Variants in ZNF451 observed in about 807,000 individuals in gnomAD.
ZNF451 encodes zinc finger protein 451.
ZNF451 carries 80 observed loss-of-function variants against 107.1 expected under a neutral mutation model. The observed-to-expected ratio is 0.75, with a 90% CI of 0.62 to 0.90. The LOEUF is 0.90. Among genes scored for constraint, ZNF451 ranks in the 40% least tolerant of loss-of-function variants. The pLI is 0.00. For synonymous variants in ZNF451, 362 were observed against 406.5 expected (o/e 0.89, Z 1.32); for missense variants, 1,107 against 1,236.2 (o/e 0.90, Z 1.57).
chr6:57,138,476 C>T (rs1044861441), intron 7 of ZNF451, among the ~76,000 whole-genome samples: 2 of 151,642 alleles, frequency 1.3e-5, no homozygotes, highest in African/African-American at 4.8e-5. Context: ...GTTGGCCAGG[C>T]TGGTCTCGAG....
chr6:57,098,707 T>C (rs1335341733), intron 2 of ZNF451, among the ~76,000 whole-genome samples: 5 of 152,170 alleles, frequency 3.3e-5, no homozygotes, highest in Non-Finnish European at 7.4e-5. Flanking sequence ...ATTTTTGAAC[T>C]TGGATATATT....
At chr6:57,141,715 A>T (rs1831772999) in intron 8 of ZNF451, among the ~76,000 whole-genome samples, 1 of 152,190 alleles carries the variant, frequency 6.6e-6, no homozygotes, top group African/African-American at 2.4e-5. Flanking sequence ...TTATATCATG[A>T]TATCTTGGAA....
At chr6:57,108,193 T>G in intron 3 of ZNF451, 1 of 985,450 alleles carries the variant, frequency 1.0e-6, no homozygotes, top group Non-Finnish European at 1.2e-6. Flanking sequence ...CTTCAAGAAT[T>G]GTGTTCAGTT....
intron 10 of ZNF451, among the ~76,000 whole-genome samples, chr6:57,150,288 G>T (rs977297155): frequency 7.9e-5 from 12 of 152,164 alleles, no homozygotes; most frequent in African/African-American, 2.9e-4. Flanking sequence ...AATCAGTCCA[G>T]ACTGGGAAAA....
Position 57,134,822 on chromosome 6 carries a change from T to C in ZNF451, c.654T>C (p.Tyr218=), listed in dbSNP as rs1319433463. 3 of 1,611,840 alleles carry C rather than the reference T, an allele frequency of 1.9e-6. No individual in the cohort carries two copies. The highest frequency in any genetic ancestry group is 1.3e-5 in the African/African-American group (1 of 74,880). ...FFSSFACVVC[Y]KKFVTQQQYR... ...GCTCCTTTGCTTGTGTAGTATGTTA[T>C]AAAAAATTTGTTACTCAACAACAAT... is the stretch of plus-strand genomic sequence containing the variant. Residue 218 remains tyrosine (Y), a synonymous_variant, in exon 7 of 15, where the codon TAT becomes TAC. Transcript: ENST00000370706.
rs1764063388 is a variant in ZNF451, at chr6:57,170,020, C to G, written c.*1551C>G. 6.6e-6 allele frequency: 1 copy of G among 150,748 alleles called. No individual in the cohort carries two copies. Among genetic ancestry groups the G allele is most frequent in the African/African-American group, 2.5e-5 (1 of 40,560 alleles). 9.3% of individuals were successfully genotyped at this position (150,748 alleles called of 1,614,324 possible). ...CACAAAGGTGTGATGGACACTGATG[C>G]TCTATTAAGAAGCTTTTGTGGTGTG... On this transcript the variant is annotated 3_prime_UTR_variant, in exon 15 of 15. Transcript: ENST00000370706.
chr6:57,103,251 C>T (rs542102014), intron 3 of ZNF451: 1 of 985,392 alleles, frequency 1.0e-6, no homozygotes, highest in East Asian at 1.1e-4. Context: ...TAAAGCATAG[C>T]TGTGGATGTG....
intron 3 of ZNF451, chr6:57,103,605 T>C (rs985126239): frequency 2.4e-5 from 24 of 985,426 alleles, no homozygotes; most frequent in Non-Finnish European, 2.9e-5. Context: ...TTGAGGGGTC[T>C]GAATACATCA....
intron 13 of ZNF451, among the ~76,000 whole-genome samples, chr6:57,160,484 C>G (rs566516145): frequency 6.6e-6 from 1 of 152,212 alleles, no homozygotes; most frequent in African/African-American, 2.4e-5. Flanking sequence ...TAGGTGCGCA[C>G]CACCATACCT....
chr6:57,105,962 A>G (rs891078769), intron 3 of ZNF451: 83 of 984,796 alleles, frequency 8.4e-5, no homozygotes, highest in Non-Finnish European at 1.0e-4. Context: ...AGCCCTCAAA[A>G]TGACATTTTG....
intron 9 of ZNF451, among the ~76,000 whole-genome samples, chr6:57,146,789 A>G (rs1456406337): frequency 2.6e-5 from 4 of 152,352 alleles, no homozygotes; most frequent in East Asian, 1.9e-4. Context: ...TGCCTGTTCA[A>G]TAAGGTCCTC....
Position 57,147,276 on chromosome 6 carries a change from A to G in ZNF451, c.1191A>G (p.Ser397=). ...KVRVINSVEE[S]VLLYCHSSEG... ...GAGTCATTAACTCAGTGGAAGAATC[A>G]GTCTTACTCTATTGCCACAGCAGCG... The change falls in exon 10 of 15, where the codon TCA becomes TCG. Residue 397 remains serine, a synonymous_variant. Transcript: ENST00000370706. 3 of 1,614,168 alleles carry G rather than the reference A, an allele frequency of 1.9e-6. No individual in the cohort carries two copies. Among genetic ancestry groups the G allele is most frequent in the East Asian group, 2.2e-5 (1 of 44,880 alleles).
intron 7 of ZNF451, among the ~76,000 whole-genome samples, chr6:57,140,691 A>T (rs905630095): frequency 4.6e-5 from 7 of 152,202 alleles, no homozygotes; most frequent in Non-Finnish European, 7.3e-5. Flanking sequence ...AAAACTGAAA[A>T]TAAATGTTGA....
intron 3 of ZNF451, chr6:57,103,574 G>T (rs1829707305): frequency 1.0e-6 from 1 of 985,356 alleles, no homozygotes; most frequent in Non-Finnish European, 1.2e-6. Flanking sequence ...CATGACATCA[G>T]GAATGGAGAA....
At chr6:57,102,936 G>A (rs1383468248) in intron 3 of ZNF451, 5 of 985,318 alleles carry the variant, frequency 5.1e-6, no homozygotes, top group East Asian at 1.1e-4. Context: ...TCAAGCTCTC[G>A]TATCAAGCTG....
At chr6:57,155,818 CTTTTTTT>C (rs528621372) in intron 13 of ZNF451, among the ~76,000 whole-genome samples, 1 of 107,294 alleles carries the variant, frequency 9.3e-6, no homozygotes, top group Non-Finnish European at 2.0e-5. Flanking sequence ...TCTAGGTATT[CTTTTTTT>C]TTTTTTTTTT....
At chr6:57,132,377 C>G (rs761153605) in intron 5 of ZNF451, among the ~76,000 whole-genome samples, 2 of 152,096 alleles carry the variant, frequency 1.3e-5, no homozygotes, top group South Asian at 2.1e-4. Flanking sequence ...TATAATATAG[C>G]TAAATTTATA....
intron 14 of ZNF451, among the ~76,000 whole-genome samples, chr6:57,166,095 T>G (rs1437414240): frequency 1.3e-5 from 2 of 151,852 alleles, no homozygotes; most frequent in African/African-American, 4.8e-5. Flanking sequence ...TTGTGTGATC[T>G]TGGCTCACTG....
At chr6:57,119,219 C>G (rs991438492) in intron 3 of ZNF451, among the ~76,000 whole-genome samples, 2 of 152,132 alleles carry the variant, frequency 1.3e-5, no homozygotes, top group Admixed American at 6.5e-5. Flanking sequence ...TGTAACCAAT[C>G]ATTCTGGTAG....
Sources: gnomAD v4.1 joint callset for allele counts (sites outside exome capture counted in the v4.1 genomes callset) on GRCh38, gnomAD v4.1.1 for gene constraint, MANE v1.5 for transcripts, NCBI Gene and HGNC (gene_info 2026-07-23, HGNC 2026-07-21) for gene names.